Variants in UVRAG observed in about 807,000 individuals in gnomAD.
UVRAG encodes the protein UV radiation resistance-associated gene protein.
In UVRAG, 19 loss-of-function variants were observed where a neutral mutation model predicts 78.0. The ratio of observed to expected loss-of-function variants is 0.24; its 90% CI spans 0.17 to 0.36. The LOEUF (loss-of-function observed/expected upper bound fraction) is 0.36, where lower values mean the gene tolerates loss of function less well. Ranked by LOEUF, UVRAG falls within the 10% of genes least tolerant of loss-of-function variation. The pLI is 1.00. For synonymous variants in UVRAG, 323 were observed against 324.6 expected (o/e 1.00, Z 0.05); for missense variants, 740 against 853.8 (o/e 0.87, Z 1.66).
chr11:75,828,805 A>ATG (rs1478310271), intron 1 of UVRAG, among the ~76,000 whole-genome samples: 1 of 100,276 alleles, frequency 1.0e-5, no homozygotes, highest in Non-Finnish European at 1.9e-5. Context: ...ATATATATAT[A>ATG]TTTTTTTTTT....
chr11:76,136,894 C>T (rs942338737), intron 14 of UVRAG, among the ~76,000 whole-genome samples: 1 of 152,104 alleles, frequency 6.6e-6, no homozygotes, highest in African/African-American at 2.4e-5. Context: ...GGGTAATAGA[C>T]TTGTGAGTTT....
At chr11:75,961,412 C>T in intron 6 of UVRAG, 32 bp from the exon 7 acceptor site, 1 of 1,539,028 alleles carries the variant, frequency 6.5e-7, no homozygotes, top group Non-Finnish European at 8.8e-7. Flanking sequence ...ACTGTTAACT[C>T]ATTTACATTT....
chr11:75,898,120 C>T (rs1293163474), intron 5 of UVRAG, among the ~76,000 whole-genome samples: 3 of 152,202 alleles, frequency 2.0e-5, no homozygotes, highest in Admixed American at 6.5e-5. Context: ...CCACCCGCCT[C>T]GGCCTCCCAA....
At chr11:76,129,967 C>G (rs903538262) in intron 14 of UVRAG, among the ~76,000 whole-genome samples, 24 of 151,988 alleles carry the variant, frequency 1.6e-4, no homozygotes, top group Non-Finnish European at 2.9e-5. Context: ...TCTCTCTCTT[C>G]TTTGCCTGAA....
intron 12 of UVRAG, among the ~76,000 whole-genome samples, chr11:76,052,137 A>G (rs998640443): frequency 6.6e-6 from 1 of 152,178 alleles, no homozygotes; most frequent in Admixed American, 6.5e-5. Context: ...TATGAGCACT[A>G]TCTGTCTAAC....
chr11:75,892,311 C>A (rs371496624), intron 5 of UVRAG: 1 of 985,212 alleles, frequency 1.0e-6, no homozygotes, highest in South Asian at 4.7e-5. Flanking sequence ...CACAGAGAAA[C>A]TGCAGATGCT....
At chr11:75,868,054 G>A (rs1209721459) in intron 3 of UVRAG, among the ~76,000 whole-genome samples, 1 of 152,166 alleles carries the variant, frequency 6.6e-6, no homozygotes, top group Admixed American at 6.6e-5. Context: ...AAATACGCAC[G>A]TTAGAACTGG....
intron 13 of UVRAG, among the ~76,000 whole-genome samples, chr11:76,108,773 G>GT (rs563389212): frequency 1.4e-4 from 21 of 152,170 alleles, no homozygotes; most frequent in South Asian, 4.1e-4. Context: ...ATCTTCCTGG[G>GT]TTTTTTTAGC....
chr11:75,989,284 A>G (rs760758900), intron 8 of UVRAG, among the ~76,000 whole-genome samples: 166 of 151,988 alleles, frequency 1.1e-3, no homozygotes, highest in Middle Eastern at 3.4e-3. Context: ...TGAACTCCTG[A>G]CCCCAAGTGA....
intron 14 of UVRAG, among the ~76,000 whole-genome samples, chr11:76,132,826 A>G (rs1952535745): frequency 6.6e-6 from 1 of 152,178 alleles, no homozygotes; most frequent in African/African-American, 2.4e-5. Context: ...AATTTTTCTC[A>G]TTCTCACCCC....
chr11:76,088,647 A>G (rs1309692283), intron 13 of UVRAG, among the ~76,000 whole-genome samples: 1 of 151,998 alleles, frequency 6.6e-6, no homozygotes, highest in East Asian at 1.9e-4. Context: ...GCTGAACATC[A>G]CTGAAAGGCC....
intron 12 of UVRAG, among the ~76,000 whole-genome samples, chr11:76,061,792 G>A (rs569398598): frequency 6.6e-6 from 1 of 152,328 alleles, no homozygotes; most frequent in Non-Finnish European, 1.5e-5. Flanking sequence ...CTTGAAGTTA[G>A]TGAGACCAAG....
Position 75,985,266 on chromosome 11 carries a change from T to G in UVRAG, c.826+1753T>G, listed in dbSNP as rs546637628. Among the ~76,000 whole-genome samples, 10 of 152,086 alleles carry G rather than the reference T, an allele frequency of 6.6e-5. No individual in the cohort carries two copies. In the East Asian group the frequency reaches 1.7e-3, roughly 26 times the overall value. Reference sequence around the variant, plus strand: ...TATCCTCTTGCAGTTTTAATTTTTATTTTCCTGAAGACTAATGAAGTTAGT... The same window carrying G: ...TATCCTCTTGCAGTTTTAATTTTTAGTTTCCTGAAGACTAATGAAGTTAGT... On this transcript the variant is annotated intron_variant, in intron 8 of 14. Coordinates refer to ENST00000356136, the MANE Select transcript of UVRAG (RefSeq NM_003369.4).
chr11:75,833,551 C>T (rs1176962607), intron 1 of UVRAG, among the ~76,000 whole-genome samples: 1 of 151,842 alleles, frequency 6.6e-6, no homozygotes, highest in East Asian at 1.9e-4. Flanking sequence ...CAGGGAGACC[C>T]TAACCCAGCG....
At chr11:75,950,595 G>T (rs1948672612) in intron 6 of UVRAG, among the ~76,000 whole-genome samples, 1 of 152,042 alleles carries the variant, frequency 6.6e-6, no homozygotes. Flanking sequence ...TATACGAGAG[G>T]TGTATATTTA....
chr11:75,919,224 G>T (rs1355872152), intron 6 of UVRAG, among the ~76,000 whole-genome samples: 4 of 151,236 alleles, frequency 2.6e-5, no homozygotes, highest in East Asian at 3.8e-4. Context: ...TGCAGGAAGA[G>T]ATTTTTTTTT....
rs1952729409 is a variant in UVRAG, at chr11:76,141,854, A to G, written c.*441A>G. ...GAATATTCAGAAATAGGTTTCCGCCATGTACTGAAAGGTCTGTGGCCATCT... is the reference window on the plus strand; with the variant it reads ...GAATATTCAGAAATAGGTTTCCGCCGTGTACTGAAAGGTCTGTGGCCATCT... On this transcript the variant is annotated 3_prime_UTR_variant, in exon 15 of 15. Transcript: ENST00000356136. 2 of 181,412 alleles carry G rather than the reference A, an allele frequency of 1.1e-5. No individual in the cohort carries two copies. Among genetic ancestry groups the G allele is most frequent in the Admixed American group, 5.5e-5 (1 of 18,166 alleles). 11.2% of individuals were successfully genotyped at this position (181,412 alleles called of 1,614,324 possible). A position where few individuals can be genotyped will look rare whatever the true frequency, so the allele number is the denominator to read the frequency against.
At chr11:76,062,868 G>A (rs1194018251) in intron 12 of UVRAG, among the ~76,000 whole-genome samples, 1 of 152,160 alleles carries the variant, frequency 6.6e-6, no homozygotes, top group Non-Finnish European at 1.5e-5. Flanking sequence ...GGATATGAGT[G>A]TTCTTCTGTC....
intron 1 of UVRAG, among the ~76,000 whole-genome samples, chr11:75,843,831 C>T (rs779470154): frequency 2.6e-5 from 4 of 151,944 alleles, no homozygotes; most frequent in South Asian, 2.1e-4. Context: ...TGGTGGCAGG[C>T]GCCTGTAGTT....
Sources: allele counts gnomAD v4.1 joint callset (sites outside exome capture counted in the v4.1 genomes callset), GRCh38; gene constraint gnomAD v4.1.1; transcripts MANE v1.5; gene names NCBI Gene and HGNC (gene_info 2026-07-23, HGNC 2026-07-21).